The following TLK2 variants were observed in gnomAD, a reference collection of about 807,000 sequenced individuals.
TLK2 encodes the protein tousled like kinase 2.
In TLK2, 6 loss-of-function variants were observed where a neutral mutation model predicts 117.3. The ratio of observed to expected loss-of-function variants is 0.05; its 90% CI spans 0.03 to 0.10. The LOEUF (loss-of-function observed/expected upper bound fraction) is 0.10. Among genes scored for constraint, TLK2 ranks in the 10% least tolerant of loss-of-function variants. The probability of loss-of-function intolerance (pLI) is 1.00; values close to 1 mark genes in which losing one functional copy is unlikely to be tolerated. For synonymous variants in TLK2, 257 were observed against 316.7 expected, an observed-to-expected ratio of 0.81 and a Z score of 2.00; for missense variants, 299 against 901.2, an observed-to-expected ratio of 0.33 and a Z score of 8.56.
At chr17:62,490,531 C>T (rs1411626084) in intron 2 of TLK2, among the ~76,000 whole-genome samples, 2 of 152,030 alleles carry the variant, frequency 1.3e-5, no homozygotes, top group Non-Finnish European at 2.9e-5. Context: ...AGCTTAATTT[C>T]ATAGATTTTT....
chr17:62,505,075 A>G (rs573994683), intron 2 of TLK2, among the ~76,000 whole-genome samples: 4 of 152,098 alleles, frequency 2.6e-5, no homozygotes, highest in African/African-American at 9.6e-5. Flanking sequence ...CCTGACCTCA[A>G]GTGATCCACT....
intron 1 of TLK2, among the ~76,000 whole-genome samples, chr17:62,479,648 G>C (rs1250238507): frequency 6.6e-6 from 1 of 152,168 alleles, no homozygotes; most frequent in Non-Finnish European, 1.5e-5. Flanking sequence ...TGGAGCCGGC[G>C]AGGGGCGCCG....
chr17:62,524,019 T>G (rs2076216374), intron 5 of TLK2, among the ~76,000 whole-genome samples: 1 of 151,986 alleles, frequency 6.6e-6, no homozygotes, highest in South Asian at 2.1e-4. Flanking sequence ...CCATGTTTTC[T>G]TTATATCTTG....
At chr17:62,518,240 G>A (rs12951183) in intron 2 of TLK2, among the ~76,000 whole-genome samples, 1 of 152,124 alleles carries the variant, frequency 6.6e-6, no homozygotes, top group Non-Finnish European at 1.5e-5. Flanking sequence ...AAGCATTAGA[G>A]GTGTTACCAT....
intron 5 of TLK2, among the ~76,000 whole-genome samples, chr17:62,523,569 G>A (rs1040954923): frequency 6.6e-6 from 1 of 152,022 alleles, no homozygotes; most frequent in Non-Finnish European, 1.5e-5. Flanking sequence ...GTGAGACCCT[G>A]TCTCCAAAAA....
chr17:62,593,874 C>A (rs1268338893), intron 16 of TLK2, among the ~76,000 whole-genome samples: 1 of 149,314 alleles, frequency 6.7e-6, no homozygotes, highest in Non-Finnish European at 1.5e-5. Flanking sequence ...CTTACTTCAA[C>A]CTCTGCCTCC....
At chr17:62,602,209 G>A (rs747265033) in intron 19 of TLK2, 29 bp downstream of exon 19, 2 of 1,607,292 alleles carry the variant, frequency 1.2e-6, no homozygotes, top group Admixed American at 1.7e-5. Context: ...TGCCAGGTTG[G>A]CTATAGAGAT....
Position 62,604,171 on chromosome 17 carries a change from A to T in TLK2, c.1860-1959A>T, listed in dbSNP as rs2147217604. ...ATGCACCCGCCACCACGCCCAGCTA[A>T]TTTTTTTGTATTTTTAGTAGAGATG... On this transcript the variant is annotated intron_variant, in intron 19 of 21. Transcript: ENST00000346027. Among the ~76,000 whole-genome samples, 2 of 151,564 alleles carry T rather than the reference A, an allele frequency of 1.3e-5. 1 individual carries two copies. Among genetic ancestry groups the T allele is most frequent in the South Asian group, 4.2e-4 (2 of 4,790 alleles).
chr17:62,520,948 A>C, intron 3 of TLK2, 104 bp downstream of exon 3: 2 of 1,292,996 alleles, frequency 1.5e-6, no homozygotes, highest in Non-Finnish European at 2.2e-6. Flanking sequence ...TGAGGCGGGC[A>C]GATTGCTTGA....
chr17:62,602,325 G>T, intron 19 of TLK2, 145 bp downstream of exon 19: 1 of 730,204 alleles, frequency 1.4e-6, no homozygotes, highest in Non-Finnish European at 2.1e-6. Context: ...AATCATTACT[G>T]TCTTTTCAAC....
At chr17:62,577,299 A>G (rs1351657493) in intron 13 of TLK2, among the ~76,000 whole-genome samples, 1 of 151,950 alleles carries the variant, frequency 6.6e-6, no homozygotes. Flanking sequence ...CCAGCAACCC[A>G]ATGACAGTGT....
intron 20 of TLK2, among the ~76,000 whole-genome samples, chr17:62,607,271 G>A (rs2147270696): frequency 6.6e-6 from 1 of 151,254 alleles, no homozygotes; most frequent in East Asian, 2.0e-4. Flanking sequence ...TGTAATCCCA[G>A]CACTTTGGGA....
intron 16 of TLK2, among the ~76,000 whole-genome samples, chr17:62,594,183 G>T (rs1456206543): frequency 6.6e-6 from 1 of 152,000 alleles, no homozygotes; most frequent in South Asian, 2.1e-4. Context: ...CATGGCAGGC[G>T]GATCACTTGA....
chr17:62,577,783 C>T (rs1055315656), intron 13 of TLK2, among the ~76,000 whole-genome samples: 2 of 152,158 alleles, frequency 1.3e-5, no homozygotes, highest in Admixed American at 6.5e-5. Flanking sequence ...TGGTGGCTCA[C>T]ACCTGTAATG....
chr17:62,570,670 C>T (rs1051080716), intron 11 of TLK2, among the ~76,000 whole-genome samples: 2 of 152,134 alleles, frequency 1.3e-5, no homozygotes, highest in African/African-American at 4.8e-5. Flanking sequence ...GGTGCATCAG[C>T]TTTCATGTTC....
intron 7 of TLK2, among the ~76,000 whole-genome samples, chr17:62,549,407 A>T (rs1188320987): frequency 5.8e-5 from 1 of 17,140 alleles, no homozygotes; most frequent in Non-Finnish European, 1.8e-4. Flanking sequence ...TCAAAAAAAA[A>T]AAAAAAAAAA....
chr17:62,565,735 G>A (rs1299458865), intron 11 of TLK2, among the ~76,000 whole-genome samples: 2 of 151,878 alleles, frequency 1.3e-5, no homozygotes, highest in Non-Finnish European at 2.9e-5. Context: ...AAAACCTAGG[G>A]TTTGACTTTC....
chr17:62,576,980 T>TTTTTTTTTTTG (rs2080846395), intron 13 of TLK2, among the ~76,000 whole-genome samples: 2 of 144,944 alleles, frequency 1.4e-5, no homozygotes, highest in Non-Finnish European at 3.0e-5. Context: ...TTTTTTTTTT[T>TTTTTTTTTTTG]GAGTTGGAGT....
At chr17:62,563,766 C>G (rs933353446) in intron 10 of TLK2, among the ~76,000 whole-genome samples, 19 of 152,314 alleles carry the variant, frequency 1.2e-4, no homozygotes, top group African/African-American at 4.3e-4. Flanking sequence ...AACATTCTTA[C>G]AGTTCATGAC....
Sources: gnomAD v4.1 joint callset for allele counts (sites outside exome capture counted in the v4.1 genomes callset) on GRCh38, gnomAD v4.1.1 for gene constraint, MANE v1.5 for transcripts, NCBI Gene and HGNC (gene_info 2026-07-23, HGNC 2026-07-21) for gene names.